Variants in SYT17 observed in about 807,000 individuals in gnomAD.
The protein encoded by SYT17 is synaptotagmin 17.
Under a neutral mutation model 46.7 loss-of-function variants are expected in SYT17, and 22 were observed. That is an observed-to-expected ratio of 0.47 (90% CI 0.34 to 0.67). The LOEUF (loss-of-function observed/expected upper bound fraction) is 0.67. Ranked by LOEUF, SYT17 falls within the 30% of genes least tolerant of loss-of-function variation. The probability of loss-of-function intolerance (pLI) is 0.01; values close to 1 mark genes in which losing one functional copy is unlikely to be tolerated. For synonymous variants in SYT17, 251 were observed against 248.4 expected (o/e 1.01, Z -0.10); for missense variants, 519 against 612.8 (o/e 0.85, Z 1.62).
In SYT17 at chr16:19,192,063, G is replaced by A. The variant is rs149885621; in HGVS notation, c.951+7916G>A. Among the ~76,000 whole-genome samples, 27 of 152,304 alleles carry A rather than the reference G, an allele frequency of 1.8e-4. No homozygotes were observed. The East Asian group carries it at 3.5e-3, about 20-fold the overall frequency. ...CTCCCAAAGTGTTGGGATTACAGGC[G>A]CGAGCCACCGCGCGGCCGCACTGTA... On this transcript the variant is annotated intron_variant, in intron 5 of 7. Transcript: ENST00000355377.
Position 19,184,112 on chromosome 16 carries a change from G to A in SYT17, c.916G>A (p.Gly306Arg), listed in dbSNP as rs774057325. The A allele has an allele frequency of 2.7e-5, 44 of 1,614,048 alleles. No homozygotes were observed. Among genetic ancestry groups the A allele is most frequent in the African/African-American group, 6.7e-5 (5 of 74,928 alleles). ...PLCEVDLVKG[G>R]HWWKALIPSS... ...GTGTGAAGTTGACCTGGTCAAGGGC[G>A]GGCACTGGTGGAAGGCGCTGATTCC... Residue 306 changes from glycine (G) to arginine (R), a missense_variant, in exon 5 of 8, where the codon GGG becomes AGG. Gly to Arg is a moderately radical substitution (Grantham distance 125, BLOSUM62 -2). Transcript: ENST00000355377.
At chr16:19,182,602 T>G (rs536731225) in intron 4 of SYT17, among the ~76,000 whole-genome samples, 1 of 152,228 alleles carries the variant, frequency 6.6e-6, no homozygotes, top group African/African-American at 2.4e-5. Flanking sequence ...TATCTCCATT[T>G]AGCATACATC....
At chr16:19,227,144 A>C (rs1044336059) in intron 7 of SYT17, among the ~76,000 whole-genome samples, 1 of 152,176 alleles carries the variant, frequency 6.6e-6, no homozygotes, top group Non-Finnish European at 1.5e-5. Context: ...CAATAAACAC[A>C]CGGTGCTGAG....
intron 7 of SYT17, among the ~76,000 whole-genome samples, chr16:19,238,359 G>C (rs1448201958): frequency 2.0e-5 from 3 of 152,238 alleles, no homozygotes; most frequent in Non-Finnish European, 4.4e-5. Context: ...TTGTGGTGTT[G>C]AACCTGGATG....
intron 5 of SYT17, among the ~76,000 whole-genome samples, chr16:19,197,035 A>G (rs997660268): frequency 2.0e-5 from 3 of 152,106 alleles, no homozygotes; most frequent in African/African-American, 7.2e-5. Flanking sequence ...ATCACTCACC[A>G]CCTGGCACCT....
chr16:19,235,970 A>G (rs896265454), intron 7 of SYT17, among the ~76,000 whole-genome samples: 9 of 152,194 alleles, frequency 5.9e-5, no homozygotes, highest in African/African-American at 2.2e-4. Flanking sequence ...TTCATGTCAC[A>G]TGGATTCCAG....
At chr16:19,263,496 G>T (rs1969129067) in intron 7 of SYT17, among the ~76,000 whole-genome samples, 2 of 151,900 alleles carry the variant, frequency 1.3e-5, no homozygotes, top group South Asian at 2.1e-4. Context: ...ACAAAAATTA[G>T]CCAGGCATGG....
intron 5 of SYT17, among the ~76,000 whole-genome samples, chr16:19,195,087 A>G (rs1965181243): frequency 6.6e-6 from 1 of 152,220 alleles, no homozygotes; most frequent in African/African-American, 2.4e-5. Context: ...ATTAGGGATA[A>G]TAATTCTTAC....
At chr16:19,169,174 G>A (rs1963987429) in intron 1 of SYT17, among the ~76,000 whole-genome samples, 1 of 152,176 alleles carries the variant, frequency 6.6e-6, no homozygotes, top group African/African-American at 2.4e-5. Context: ...GAGGCCAGAG[G>A]CGCGCTGGTG....
chr16:19,186,525 T>C (rs763185027), intron 5 of SYT17, among the ~76,000 whole-genome samples: 2 of 152,192 alleles, frequency 1.3e-5, no homozygotes, highest in African/African-American at 2.4e-5. Context: ...AGTTGAAATA[T>C]TGCAGGCAGG....
Position 19,201,128 on chromosome 16 carries a change from C to T in SYT17, c.951+16981C>T, listed in dbSNP as rs115491493. Among the ~76,000 whole-genome samples, 638 of 152,296 alleles carry T rather than the reference C, an allele frequency of 4.2e-3. 1 individual carries two copies. The highest frequency in any genetic ancestry group is 0.015 in the African/African-American group (609 of 41,568). On this transcript the variant is annotated intron_variant, in intron 5 of 7. Transcript: ENST00000355377. ...CCGGACAGTCCAGGGGACCACAGCA[C>T]CTGCACATAGAACCTGTGTGAGAGA...
At chr16:19,245,856 T>C (rs537185033) in intron 7 of SYT17, among the ~76,000 whole-genome samples, 2 of 152,092 alleles carry the variant, frequency 1.3e-5, no homozygotes, top group African/African-American at 2.4e-5. Context: ...AGGGGTTACA[T>C]GGGAAAGGGC....
intron 5 of SYT17, among the ~76,000 whole-genome samples, chr16:19,193,493 T>G (rs963732850): frequency 6.6e-6 from 1 of 152,252 alleles, no homozygotes; most frequent in African/African-American, 2.4e-5. Flanking sequence ...TTTAGACCTT[T>G]GATGTCTAGA....
At chr16:19,218,305 T>C (rs994573087) in intron 5 of SYT17, among the ~76,000 whole-genome samples, 7 of 152,178 alleles carry the variant, frequency 4.6e-5, no homozygotes, top group Non-Finnish European at 8.8e-5. Context: ...CTTTTTTACT[T>C]TCTATCAACT....
At chr16:19,246,016 T>A (rs55798510) in intron 7 of SYT17, among the ~76,000 whole-genome samples, 8,017 of 151,944 alleles carry the variant, frequency 0.053, 682 homozygotes, top group African/African-American at 0.18. Context: ...TTATTTATTT[T>A]TTTTTTTGAG....
Position 19,268,257 on chromosome 16 carries a change from A to G in SYT17, c.*1181A>G, listed in dbSNP as rs540039409. The G allele has an allele frequency of 6.6e-6, 1 of 151,940 alleles. No homozygotes were observed. Among genetic ancestry groups the G allele is most frequent in the Non-Finnish European group, 1.5e-5 (1 of 67,968 alleles). The allele number at this position is 151,940 out of a possible 1,614,324, so 9.4% of individuals were successfully genotyped here. A position where few individuals can be genotyped will look rare whatever the true frequency, so the allele number is the denominator to read the frequency against. The stretch of plus-strand genomic sequence containing the variant: ...CTCTCTCTCTGTTGGATGCTTCTGT[A>G]TCTTTTTCCACAGCATAATGTCTGG... On this transcript the variant is annotated 3_prime_UTR_variant, in exon 8 of 8. Coordinates refer to ENST00000355377, the MANE Select transcript of SYT17 (RefSeq NM_016524.4).
At chr16:19,174,538 G>A (rs1358740440) in intron 3 of SYT17, among the ~76,000 whole-genome samples, 2 of 152,176 alleles carry the variant, frequency 1.3e-5, no homozygotes, top group African/African-American at 4.8e-5. Flanking sequence ...TTCCCTCCAA[G>A]CTGGGGGCTC....
At chr16:19,177,837 G>T (rs188889248) in intron 3 of SYT17, among the ~76,000 whole-genome samples, 1 of 152,164 alleles carries the variant, frequency 6.6e-6, no homozygotes, top group African/African-American at 2.4e-5. Context: ...AAGTCAAGTT[G>T]GTTGATTGTT....
intron 7 of SYT17, among the ~76,000 whole-genome samples, chr16:19,253,498 G>A (rs2142997824): frequency 6.6e-6 from 1 of 152,230 alleles, no homozygotes; most frequent in Middle Eastern, 3.4e-3. Flanking sequence ...AGAAAGAAGA[G>A]GAGAGCAAGA....
Sources: allele counts gnomAD v4.1 joint callset (sites outside exome capture counted in the v4.1 genomes callset), GRCh38; gene constraint gnomAD v4.1.1; transcripts MANE v1.5; gene names NCBI Gene and HGNC (gene_info 2026-07-23, HGNC 2026-07-21).